The following SLC24A2 variants were observed in gnomAD, a reference collection of about 807,000 sequenced individuals.
The protein encoded by SLC24A2 is sodium/potassium/calcium exchanger 2.
A neutral mutation model predicts 62.0 loss-of-function variants in SLC24A2; 36 were observed. The observed-to-expected ratio is 0.58, with a 90% confidence interval of 0.44 to 0.77. The LOEUF (loss-of-function observed/expected upper bound fraction) is 0.77, where lower values mean the gene tolerates loss of function less well. Ranked by LOEUF, SLC24A2 falls within the 30% of genes least tolerant of loss-of-function variation. SLC24A2 has a pLI of 0.00. For missense variants in SLC24A2, 846 were observed against 817.9 expected, an observed-to-expected ratio of 1.03 and a Z score of -0.42; for synonymous variants, 358 against 294.0, an observed-to-expected ratio of 1.22 and a Z score of -2.23.
chr9:19,570,157 A>G (rs916418526), intron 7 of SLC24A2, among the ~76,000 whole-genome samples: 1 of 152,246 alleles, frequency 6.6e-6, no homozygotes, highest in Admixed American at 6.5e-5. Flanking sequence ...TGATTAGATA[A>G]ACAATGGAAG....
chr9:19,783,427 T>G (rs957470130), intron 2 of SLC24A2, among the ~76,000 whole-genome samples: 2 of 152,200 alleles, frequency 1.3e-5, no homozygotes, highest in African/African-American at 2.4e-5. Flanking sequence ...TGGCTTAAAG[T>G]CTTTTTTTCC....
chr9:20,197,798 G>T, the SLC24A2 span, among the ~76,000 whole-genome samples: 1 of 152,042 alleles, frequency 6.6e-6, no homozygotes, highest in East Asian at 1.9e-4. Flanking sequence ...CAAACCAAAA[G>T]CCAGACCATC....
intron 8 of SLC24A2, among the ~76,000 whole-genome samples, chr9:19,546,354 T>A (rs749182523): frequency 9.2e-5 from 14 of 152,076 alleles, no homozygotes; most frequent in Non-Finnish European, 1.5e-4. Context: ...TGTTTGGGGG[T>A]ACTGCCTTTT....
chr9:19,775,278 C>T (rs887942340), intron 2 of SLC24A2, among the ~76,000 whole-genome samples: 3 of 152,218 alleles, frequency 2.0e-5, no homozygotes, highest in Admixed American at 6.5e-5. Flanking sequence ...CTAGATTCTG[C>T]TTTTCTCTGA....
At chr9:19,831,994 T>C in the SLC24A2 span, among the ~76,000 whole-genome samples, 1 of 152,236 alleles carries the variant, frequency 6.6e-6, no homozygotes, top group African/African-American at 2.4e-5. Context: ...TTGGACATTG[T>C]TTTTTGTCTG....
At chr9:19,910,886 CT>C in the SLC24A2 span, among the ~76,000 whole-genome samples, 21 of 33,236 alleles carry the variant, frequency 6.3e-4, no homozygotes, top group South Asian at 5.9e-3. Flanking sequence ...CAGTGAGGTC[CT>C]TTTTTTTTTC....
chr9:19,910,524 C>T, the SLC24A2 span, among the ~76,000 whole-genome samples: 1 of 152,182 alleles, frequency 6.6e-6, no homozygotes, highest in Admixed American at 6.6e-5. Context: ...GCAAGTTCCT[C>T]AGTGGGGCCT....
the SLC24A2 span, among the ~76,000 whole-genome samples, chr9:19,998,720 T>C: frequency 6.6e-6 from 1 of 152,248 alleles, no homozygotes; most frequent in East Asian, 1.9e-4. Flanking sequence ...CCCATATTGC[T>C]GTGTGCTCTG....
At chr9:19,623,038 G>T (rs1356374357) in intron 2 of SLC24A2, among the ~76,000 whole-genome samples, 3 of 152,098 alleles carry the variant, frequency 2.0e-5, no homozygotes, top group Non-Finnish European at 4.4e-5. Context: ...GCACATAAAG[G>T]CCTGGTAATC....
chr9:19,814,062 TTTG>T, the SLC24A2 span, among the ~76,000 whole-genome samples: 1 of 152,294 alleles, frequency 6.6e-6, no homozygotes, highest in African/African-American at 2.4e-5. Flanking sequence ...TTTAAACATA[TTTG>T]TTGTTTGTTT....
chr9:19,887,809 A>G, the SLC24A2 span, among the ~76,000 whole-genome samples: 2 of 152,212 alleles, frequency 1.3e-5, no homozygotes, highest in African/African-American at 4.8e-5. Context: ...CATATATATG[A>G]TGGGACACCA....
chr9:19,953,297 C>T, the SLC24A2 span, among the ~76,000 whole-genome samples: 1 of 151,938 alleles, frequency 6.6e-6, no homozygotes, highest in Non-Finnish European at 1.5e-5. Context: ...GAGAATTGAT[C>T]TTAGAAGCAC....
intron 2 of SLC24A2, among the ~76,000 whole-genome samples, chr9:19,728,742 C>T (rs1417110500): frequency 6.6e-6 from 1 of 152,078 alleles, no homozygotes; most frequent in African/African-American, 2.4e-5. Context: ...TTGGAAGGCT[C>T]CTCAATTTTT....
chr9:19,572,932 G>C (rs939320748), intron 7 of SLC24A2, among the ~76,000 whole-genome samples: 2 of 152,164 alleles, frequency 1.3e-5, no homozygotes, highest in African/African-American at 4.8e-5. Flanking sequence ...AAGACACAGA[G>C]AAAGGATTAA....
chr9:19,779,855 G>A (rs981945835), intron 2 of SLC24A2, among the ~76,000 whole-genome samples: 6 of 152,068 alleles, frequency 3.9e-5, no homozygotes, highest in Non-Finnish European at 7.4e-5. Flanking sequence ...GTCAGGAGAT[G>A]GAGACCACCC....
chr9:20,215,712 G>A, the SLC24A2 span, among the ~76,000 whole-genome samples: 1 of 151,696 alleles, frequency 6.6e-6, no homozygotes, highest in Non-Finnish European at 1.5e-5. Context: ...ACAAGGCCAT[G>A]GCTTTTGTCT....
At chr9:20,026,435 T>A in the SLC24A2 span, among the ~76,000 whole-genome samples, 2 of 152,192 alleles carry the variant, frequency 1.3e-5, no homozygotes, top group African/African-American at 4.8e-5. Flanking sequence ...TATTATTTTA[T>A]CACATTTAAA....
the SLC24A2 span, among the ~76,000 whole-genome samples, chr9:19,822,098 T>C: frequency 4.6e-5 from 7 of 152,158 alleles, no homozygotes; most frequent in South Asian, 6.2e-4. Context: ...TCACCAGCTA[T>C]TGTGTGCTGG....
the SLC24A2 span, among the ~76,000 whole-genome samples, chr9:20,134,873 C>A: frequency 6.6e-6 from 1 of 152,136 alleles, no homozygotes; most frequent in African/African-American, 2.4e-5. Flanking sequence ...ACTTCTTCTC[C>A]AGAAAAGCAA....
Sources: allele counts gnomAD v4.1 joint callset (sites outside exome capture counted in the v4.1 genomes callset), GRCh38; gene constraint gnomAD v4.1.1; transcripts MANE v1.5; gene names NCBI Gene and HGNC (gene_info 2026-07-23, HGNC 2026-07-21).